The following TMEM163 variants were observed in gnomAD, a reference collection of about 807,000 sequenced individuals.
The protein encoded by TMEM163 is transmembrane protein 163.
TMEM163 carries 17 observed loss-of-function variants against 29.3 expected under a neutral mutation model. The ratio of observed to expected loss-of-function variants is 0.58; its 90% CI spans 0.40 to 0.87. The LOEUF (loss-of-function observed/expected upper bound fraction) is 0.87. Ranked by LOEUF, TMEM163 falls within the 40% of genes least tolerant of loss-of-function variation. The probability of loss-of-function intolerance (pLI) is 0.00; values close to 1 mark genes in which losing one functional copy is unlikely to be tolerated. For missense variants in TMEM163, 303 were observed against 381.5 expected, an observed-to-expected ratio of 0.79 and a Z score of 1.71; for synonymous variants, 157 against 160.6, an observed-to-expected ratio of 0.98 and a Z score of 0.17.
chr2:134,591,915 A>AG (rs962810673), intron 2 of TMEM163, among the ~76,000 whole-genome samples: 14 of 151,910 alleles, frequency 9.2e-5, no homozygotes, highest in African/African-American at 3.1e-4. Context: ...GATTAAAAAA[A>AG]AAAAAAAACA....
intron 2 of TMEM163, among the ~76,000 whole-genome samples, chr2:134,667,422 C>T (rs1408014171): frequency 2.0e-5 from 3 of 152,220 alleles, no homozygotes; most frequent in Non-Finnish European, 2.9e-5. Flanking sequence ...TTCACCCTAA[C>T]TGGCATGTGA....
intron 2 of TMEM163, among the ~76,000 whole-genome samples, chr2:134,709,793 C>T (rs932449249): frequency 6.6e-6 from 1 of 152,180 alleles, no homozygotes; most frequent in Non-Finnish European, 1.5e-5. Flanking sequence ...GAAAAGCTGA[C>T]CAGCATTAGC....
chr2:134,681,316 G>A lies in TMEM163; in HGVS notation c.322+31884C>T, dbSNP rs971388576. On this transcript the variant is annotated intron_variant, in intron 2 of 7. Transcript: ENST00000281924. Reference sequence around the variant, plus strand: ...ACTGATAGAGTCTCAGTTCCATGCCGGGAAGGCTGGCTATGCATTACCTGC... The same window carrying A: ...ACTGATAGAGTCTCAGTTCCATGCCAGGAAGGCTGGCTATGCATTACCTGC... Among the ~76,000 whole-genome samples, 6 of 152,216 alleles carry A rather than the reference G, an allele frequency of 3.9e-5. No individual in the cohort carries two copies. The South Asian group carries it at 6.2e-4, about 16-fold the overall frequency.
Position 134,508,399 on chromosome 2 carries a change from A to C in TMEM163, c.459-5402T>G, listed in dbSNP as rs571465735. Among the ~76,000 whole-genome samples, 5 of 152,364 alleles carry C rather than the reference A, an allele frequency of 3.3e-5. No homozygotes were observed. The East Asian group carries it at 9.6e-4, about 29-fold the overall frequency. On this transcript the variant is annotated intron_variant, in intron 4 of 7. Coordinates refer to ENST00000281924, the MANE Select transcript of TMEM163 (RefSeq NM_030923.5). ...GTGCTCAAATGTGAAGCAAATAATG[A>C]AAAATAAAAGAGTTAAGTGGTGTGA...
chr2:134,573,416 G>T (rs188747913), intron 2 of TMEM163, among the ~76,000 whole-genome samples: 44 of 152,314 alleles, frequency 2.9e-4, no homozygotes, highest in African/African-American at 9.9e-4. Flanking sequence ...TAGCCGCCAG[G>T]GGGTATTTGG....
intron 5 of TMEM163, chr2:134,469,552 C>G (rs1686745142): frequency 1.3e-5 from 2 of 152,308 alleles, no homozygotes; most frequent in Admixed American, 6.5e-5. Context: ...CCAGTTGAAG[C>G]TGACTCCCAG....
chr2:134,494,792 G>C (rs2106483879), intron 5 of TMEM163, among the ~76,000 whole-genome samples: 1 of 152,342 alleles, frequency 6.6e-6, no homozygotes, highest in South Asian at 2.1e-4. Flanking sequence ...AGCATGGCAG[G>C]GTTGGGCTGT....
chr2:134,587,037 A>C (rs1025165586), intron 2 of TMEM163, among the ~76,000 whole-genome samples: 6 of 151,330 alleles, frequency 4.0e-5, no homozygotes, highest in African/African-American at 1.5e-4. Flanking sequence ...CTCATCTGTG[A>C]GTCCTGAGAA....
intron 4 of TMEM163, among the ~76,000 whole-genome samples, chr2:134,512,103 G>A (rs540880216): frequency 2.6e-5 from 4 of 152,282 alleles, no homozygotes; most frequent in South Asian, 2.1e-4. Context: ...CATTAGCTAC[G>A]AGGACAAAAC....
intron 2 of TMEM163, among the ~76,000 whole-genome samples, chr2:134,591,222 A>C (rs1401772559): frequency 6.6e-6 from 1 of 152,148 alleles, no homozygotes; most frequent in Admixed American, 6.5e-5. Flanking sequence ...TCTTTCACTT[A>C]TTAAACTTTC....
chr2:134,511,777 C>T (rs1398175304), intron 4 of TMEM163, among the ~76,000 whole-genome samples: 1 of 152,230 alleles, frequency 6.6e-6, no homozygotes, highest in Non-Finnish European at 1.5e-5. Context: ...AACCTTGCTA[C>T]TTTAGCCAAC....
chr2:134,458,199 G>C (rs1280066976), intron 6 of TMEM163, 26 bp from the exon 7 acceptor site: 1 of 1,613,296 alleles, frequency 6.2e-7, no homozygotes, highest in Admixed American at 1.7e-5. Flanking sequence ...AGAGAGGCTA[G>C]ATGGCAGTGC....
At chr2:134,675,609 G>T (rs1670529372) in intron 2 of TMEM163, among the ~76,000 whole-genome samples, 1 of 152,080 alleles carries the variant, frequency 6.6e-6, no homozygotes, top group African/African-American at 2.4e-5. Flanking sequence ...ATGACTTTTA[G>T]ATATCTAAGC....
chr2:134,487,886 C>A (rs993259175), intron 5 of TMEM163, among the ~76,000 whole-genome samples: 5 of 152,076 alleles, frequency 3.3e-5, no homozygotes, highest in Admixed American at 6.6e-5. Context: ...TAAAGTCTAA[C>A]CTTTAATATC....
intron 2 of TMEM163, among the ~76,000 whole-genome samples, chr2:134,558,997 A>T (rs936887120): frequency 3.3e-5 from 5 of 152,228 alleles, no homozygotes; most frequent in Non-Finnish European, 7.3e-5. Context: ...CACAATACAT[A>T]CACACATACA....
chr2:134,592,889 T>TAGATAGATAGATAGATAGAC (rs1458567539), intron 2 of TMEM163, among the ~76,000 whole-genome samples: 1 of 152,086 alleles, frequency 6.6e-6, no homozygotes, highest in Non-Finnish European at 1.5e-5. Context: ...GATAGATAGA[T>TAGATAGATAGATAGATAGAC]AGACCAACCC....
chr2:134,503,333 G>A (rs569870538), intron 4 of TMEM163, among the ~76,000 whole-genome samples: 16 of 152,324 alleles, frequency 1.1e-4, no homozygotes, highest in African/African-American at 3.6e-4. Flanking sequence ...CTGCTCAAAC[G>A]GGAAGGCACA....
intron 2 of TMEM163, among the ~76,000 whole-genome samples, chr2:134,583,727 C>T (rs540121608): frequency 6.6e-6 from 1 of 152,178 alleles, no homozygotes; most frequent in South Asian, 2.1e-4. Context: ...CCTCATGGTC[C>T]CCTCCCCTCC....
At chr2:134,504,211 G>A (rs1410047363) in intron 4 of TMEM163, among the ~76,000 whole-genome samples, 2 of 152,154 alleles carry the variant, frequency 1.3e-5, no homozygotes, top group Non-Finnish European at 2.9e-5. Context: ...TTAGGAGTGA[G>A]GAATAAAAGC....
Sources: allele counts gnomAD v4.1 joint callset (sites outside exome capture counted in the v4.1 genomes callset), GRCh38; gene constraint gnomAD v4.1.1; transcripts MANE v1.5; gene names NCBI Gene and HGNC (gene_info 2026-07-23, HGNC 2026-07-21).